Variants in CTNND2 observed in about 807,000 individuals in gnomAD.
CTNND2 encodes the protein catenin delta 2.
In CTNND2, 22 loss-of-function variants were observed where a neutral mutation model predicts 144.4. The observed-to-expected ratio is 0.15, with a 90% confidence interval of 0.11 to 0.22. The LOEUF (loss-of-function observed/expected upper bound fraction) is 0.22, where lower values mean the gene tolerates loss of function less well. Ranked by LOEUF, CTNND2 falls within the 10% of genes least tolerant of loss-of-function variation. The pLI is 1.00. For missense variants in CTNND2, 1,353 were observed against 1,618.8 expected (o/e 0.84, Z 2.82); for synonymous variants, 751 against 695.6 (o/e 1.08, Z -1.25).
intron 5 of CTNND2, among the ~76,000 whole-genome samples, chr5:11,403,729 C>A (rs981357813): frequency 3.9e-5 from 6 of 151,996 alleles, no homozygotes; most frequent in South Asian, 2.1e-4. Flanking sequence ...TCAATACTTG[C>A]AAAAATAAAT....
At chr5:11,395,448 G>A (rs933159936) in intron 6 of CTNND2, among the ~76,000 whole-genome samples, 3 of 152,186 alleles carry the variant, frequency 2.0e-5, no homozygotes, top group African/African-American at 7.2e-5. Context: ...CCAGGTAAGT[G>A]AGTCTACCAG....
intron 12 of CTNND2, among the ~76,000 whole-genome samples, chr5:11,141,480 G>T (rs1301364463): frequency 6.6e-6 from 1 of 152,124 alleles, no homozygotes; most frequent in Admixed American, 6.6e-5. Context: ...TCTTTGGAAG[G>T]CGTCTTCAGT....
At chr5:11,472,416 T>C (rs1226051862) in intron 3 of CTNND2, among the ~76,000 whole-genome samples, 3 of 152,212 alleles carry the variant, frequency 2.0e-5, no homozygotes, top group Admixed American at 6.5e-5. Context: ...GTTTCACCCA[T>C]TGATTTTTCC....
chr5:11,324,701 G>A (rs913099499), intron 9 of CTNND2, among the ~76,000 whole-genome samples: 2 of 152,194 alleles, frequency 1.3e-5, no homozygotes, highest in African/African-American at 2.4e-5. Context: ...CTTCTCAGCC[G>A]AGGGCAGCCT....
chr5:11,056,577 C>T (rs1055208360), intron 16 of CTNND2, among the ~76,000 whole-genome samples: 4 of 152,272 alleles, frequency 2.6e-5, no homozygotes, highest in Non-Finnish European at 4.4e-5. Flanking sequence ...CTTAGCCTCC[C>T]GAGCAGCTGG....
chr5:11,885,418 C>A (rs762746185), intron 1 of CTNND2, among the ~76,000 whole-genome samples: 9 of 152,076 alleles, frequency 5.9e-5, no homozygotes, highest in Non-Finnish European at 1.3e-4. Flanking sequence ...AAAGAGAATA[C>A]ACTTTGAGTC....
At chr5:11,493,188 G>A (rs1769606035) in intron 3 of CTNND2, among the ~76,000 whole-genome samples, 1 of 152,096 alleles carries the variant, frequency 6.6e-6, no homozygotes. Flanking sequence ...GCGTGGCCTT[G>A]CTTAAATGAC....
At chr5:11,676,780 T>TG (rs1418527711) in intron 2 of CTNND2, among the ~76,000 whole-genome samples, 1 of 152,212 alleles carries the variant, frequency 6.6e-6, no homozygotes. Context: ...TACGTTCTAC[T>TG]GCAGTTCTCT....
intron 3 of CTNND2, among the ~76,000 whole-genome samples, chr5:11,432,074 C>T (rs1055285301): frequency 5.4e-5 from 8 of 147,162 alleles, no homozygotes; most frequent in African/African-American, 2.0e-4. Context: ...AAATAAAATG[C>T]TCAATGGACT....
chr5:11,667,889 T>A (rs147585373), intron 2 of CTNND2, among the ~76,000 whole-genome samples: 1 of 152,252 alleles, frequency 6.6e-6, no homozygotes, highest in Non-Finnish European at 1.5e-5. Context: ...TAGGTTTTTA[T>A]GGTTTTAGGT....
At chr5:11,510,361 G>T (rs921935998) in intron 3 of CTNND2, among the ~76,000 whole-genome samples, 4 of 151,920 alleles carry the variant, frequency 2.6e-5, no homozygotes, top group African/African-American at 9.7e-5. Context: ...AGAATCTCAG[G>T]CCCCTTCCCA....
intron 2 of CTNND2, among the ~76,000 whole-genome samples, chr5:11,686,774 T>A (rs1368786565): frequency 6.7e-6 from 1 of 148,562 alleles, no homozygotes; most frequent in African/African-American, 2.4e-5. Flanking sequence ...TATATGTATA[T>A]ACAATACACA....
At chr5:11,121,463 C>T (rs1178954023) in intron 12 of CTNND2, among the ~76,000 whole-genome samples, 1 of 152,172 alleles carries the variant, frequency 6.6e-6, no homozygotes, top group Non-Finnish European at 1.5e-5. Flanking sequence ...TGCATAATAT[C>T]TCATCCTTAT....
chr5:11,659,612 T>C (rs1783082387), intron 2 of CTNND2, among the ~76,000 whole-genome samples: 1 of 152,002 alleles, frequency 6.6e-6, no homozygotes, highest in South Asian at 2.1e-4. Context: ...GCCTGCTCAA[T>C]AGACTCTCCC....
rs545204191 is a variant in CTNND2 at position 11,058,044 on chromosome 5, C to T, written c.2788+24652G>A. Among the ~76,000 whole-genome samples, 6 of 152,218 alleles carry T rather than the reference C, an allele frequency of 3.9e-5. No homozygotes were observed. The South Asian group carries it at 1.2e-3, about 32-fold the overall frequency. The stretch of plus-strand genomic sequence containing the variant: ...AAGGTGACTTGGGTACTGTTAAAAG[C>T]ATTTGGTTTTATAAGGGAAGCAGAG... On this transcript the variant is annotated intron_variant, in intron 16 of 21. Coordinates refer to ENST00000304623, the MANE Select transcript of CTNND2 (RefSeq NM_001332.4).
intron 12 of CTNND2, among the ~76,000 whole-genome samples, chr5:11,131,535 C>T (rs1755595512): frequency 6.6e-6 from 1 of 152,196 alleles, no homozygotes; most frequent in Admixed American, 6.5e-5. Context: ...CGCCTGCAAT[C>T]CCAGCACTTT....
chr5:11,201,474 C>T (rs1737433738), intron 10 of CTNND2, among the ~76,000 whole-genome samples: 1 of 152,210 alleles, frequency 6.6e-6, no homozygotes, highest in East Asian at 1.9e-4. Context: ...TCCAATCCGG[C>T]TTACAAACAA....
At chr5:11,771,689 T>C (rs1789952051) in intron 1 of CTNND2, among the ~76,000 whole-genome samples, 1 of 152,228 alleles carries the variant, frequency 6.6e-6, no homozygotes, top group Non-Finnish European at 1.5e-5. Flanking sequence ...AATAACTTTC[T>C]ATTATCTATT....
intron 1 of CTNND2, among the ~76,000 whole-genome samples, chr5:11,766,911 A>G (rs916833320): frequency 6.6e-6 from 1 of 152,188 alleles, no homozygotes; most frequent in Non-Finnish European, 1.5e-5. Context: ...GGAAAAGAGA[A>G]CCAGGAAACT....
Sources: allele counts gnomAD v4.1 joint callset (sites outside exome capture counted in the v4.1 genomes callset), GRCh38; gene constraint gnomAD v4.1.1; transcripts MANE v1.5; gene names NCBI Gene and HGNC (gene_info 2026-07-23, HGNC 2026-07-21).